Variants in OTUD7B observed in about 807,000 individuals in gnomAD.
OTUD7B encodes the protein OTU deubiquitinase 7B.
A neutral mutation model predicts 82.2 loss-of-function variants in OTUD7B; 34 were observed. The observed-to-expected ratio is 0.41, with a 90% confidence interval of 0.31 to 0.55. The LOEUF is 0.55. Ranked by LOEUF, OTUD7B falls within the 20% of genes least tolerant of loss-of-function variation. The pLI, the probability that OTUD7B is intolerant of heterozygous loss-of-function variation, is 0.20. For synonymous variants in OTUD7B, 398 were observed against 402.7 expected (o/e 0.99, Z 0.14); for missense variants, 944 against 1,062.1 (o/e 0.89, Z 1.55).
At chr1:150,053,925 C>T in the OTUD7B span, 15 of 453,886 alleles carry the variant, frequency 3.3e-5, no homozygotes, top group African/African-American at 2.4e-4. Context: ...GTCAAGAAGG[C>T]TGATGCTGGT....
In OTUD7B at chr1:149,960,389, C is replaced by CTTTTTTTTT. The variant is rs1559837185; in HGVS notation, c.733-594_733-593insAAAAAAAAA. On this transcript the variant is annotated intron_variant, in intron 6 of 11. Coordinates refer to ENST00000581312, the MANE Select transcript of OTUD7B (RefSeq NM_020205.4). Reference sequence around the variant, plus strand: ...ATTTCTTTTCTTTTTCTTTTCTTTCCTTTTTTTCTTTTTTTTTTTTTTGTA... The same window carrying CTTTTTTTTT: ...ATTTCTTTTCTTTTTCTTTTCTTTCCTTTTTTTTTTTTTTTTCTTTTTTTTTTTTTTGTA... 4.9e-4 allele frequency among the ~76,000 whole-genome samples: 2 copies of CTTTTTTTTT among 4,122 alleles called. 1 individual carries two copies. The allele number at this position is 4,122 out of a possible 152,430, so 2.7% of individuals were successfully genotyped here.
chr1:149,974,134 G>T (rs1209478444), intron 2 of OTUD7B, among the ~76,000 whole-genome samples: 2 of 151,830 alleles, frequency 1.3e-5, no homozygotes, highest in Non-Finnish European at 2.9e-5. Context: ...GTGCAATCTC[G>T]GCTCACTGCA....
chr1:149,949,848 C>T (rs1648051922), intron 8 of OTUD7B, 70 bp from the exon 9 acceptor site: 2 of 1,505,112 alleles, frequency 1.3e-6, no homozygotes, highest in African/African-American at 1.4e-5. Context: ...ACATCCCACT[C>T]TGCCAACTGA....
intron 2 of OTUD7B, among the ~76,000 whole-genome samples, chr1:149,971,770 T>A (rs1284216689): frequency 1.3e-5 from 2 of 152,198 alleles, no homozygotes; most frequent in African/African-American, 4.8e-5. Flanking sequence ...AAGGAAACAG[T>A]GTTTCCCCCA....
chr1:149,984,596 G>C (rs1651008258), intron 1 of OTUD7B, among the ~76,000 whole-genome samples: 2 of 152,094 alleles, frequency 1.3e-5, no homozygotes, highest in South Asian at 4.2e-4. Flanking sequence ...ACAGCCCTAA[G>C]CACCCAAATG....
chr1:149,945,261 A>G (rs1647633073), intron 11 of OTUD7B, among the ~76,000 whole-genome samples, 196 bp from the exon 12 acceptor site: 1 of 152,086 alleles, frequency 6.6e-6, no homozygotes, highest in Non-Finnish European at 1.5e-5. Context: ...CTTGCTCCAG[A>G]GAAGGGCTTC....
chr1:149,964,112 G>A, intron 6 of OTUD7B, 110 bp downstream of exon 6: 1 of 1,209,020 alleles, frequency 8.3e-7, no homozygotes, highest in Non-Finnish European at 1.2e-6. Context: ...ATCATAAGGG[G>A]AGTCACACTG....
chr1:149,966,963 A>T (rs1314623430), intron 4 of OTUD7B, among the ~76,000 whole-genome samples: 1 of 152,222 alleles, frequency 6.6e-6, no homozygotes, highest in Non-Finnish European at 1.5e-5. Context: ...ACTGTGCATC[A>T]TCTACAGCAT....
At chr1:150,054,246 G>T in the OTUD7B span, 1 of 451,824 alleles carries the variant, frequency 2.2e-6, no homozygotes. Flanking sequence ...TTGAGCCAAG[G>T]AAAAAAACCC....
At chr1:150,035,612 T>C in the OTUD7B span, among the ~76,000 whole-genome samples, 2 of 152,236 alleles carry the variant, frequency 1.3e-5, no homozygotes, top group Non-Finnish European at 2.9e-5. Context: ...GCTTACGTCA[T>C]TTTTACAGTT....
intron 7 of OTUD7B, among the ~76,000 whole-genome samples, chr1:149,953,899 G>T (rs1241585345): frequency 6.6e-6 from 1 of 152,168 alleles, no homozygotes; most frequent in African/African-American, 2.4e-5. Flanking sequence ...CATTGATTTT[G>T]TATCCTGAGA....
At chr1:149,946,741 G>GAAAAAAA (rs1553772237) in intron 11 of OTUD7B, among the ~76,000 whole-genome samples, 1 of 79,540 alleles carries the variant, frequency 1.3e-5, no homozygotes, top group Non-Finnish European at 2.2e-5. Flanking sequence ...GACTTCCTCT[G>GAAAAAAA]AAAAAAAAAA....
the OTUD7B span, among the ~76,000 whole-genome samples, chr1:150,061,995 C>T: frequency 6.6e-6 from 1 of 152,136 alleles, no homozygotes; most frequent in Non-Finnish European, 1.5e-5. Context: ...ATGCAGCTGC[C>T]CAGAACCATA....
the OTUD7B span, among the ~76,000 whole-genome samples, chr1:150,026,003 G>A: frequency 6.6e-6 from 1 of 152,322 alleles, no homozygotes; most frequent in African/African-American, 2.4e-5. Context: ...GGCACTTGGC[G>A]AACAGGACAA....
At chr1:150,004,503 T>C (rs1218863465) in intron 1 of OTUD7B, among the ~76,000 whole-genome samples, 1 of 151,802 alleles carries the variant, frequency 6.6e-6, no homozygotes, top group Admixed American at 6.6e-5. Flanking sequence ...GAGGTTGCAG[T>C]CAGCCAAGAT....
At chr1:150,019,093 G>A in the OTUD7B span, among the ~76,000 whole-genome samples, 52 of 152,282 alleles carry the variant, frequency 3.4e-4, 1 homozygote, top group African/African-American at 1.2e-3. Context: ...TAGTGTCCCT[G>A]CTCAGAATCT....
chr1:150,051,088 G>T, the OTUD7B span, among the ~76,000 whole-genome samples: 1 of 151,690 alleles, frequency 6.6e-6, no homozygotes, highest in Non-Finnish European at 1.5e-5. Context: ...AATTAGCCAG[G>T]CGTGGTGGCA....
At chr1:149,946,978 A>T (rs2101729172) in intron 11 of OTUD7B, among the ~76,000 whole-genome samples, 2 of 151,770 alleles carry the variant, frequency 1.3e-5, no homozygotes, top group African/African-American at 4.8e-5. Flanking sequence ...GCTTGAACCC[A>T]GGAGGCGGAG....
At chr1:149,960,436 G>A (rs181340979) in intron 6 of OTUD7B, among the ~76,000 whole-genome samples, 7 of 124,156 alleles carry the variant, frequency 5.6e-5, no homozygotes, top group Non-Finnish European at 1.1e-4. Context: ...CCAGGCTGGA[G>A]TGCAATGGCA....
Sources: gnomAD v4.1 joint callset for allele counts (sites outside exome capture counted in the v4.1 genomes callset) on GRCh38, gnomAD v4.1.1 for gene constraint, MANE v1.5 for transcripts, NCBI Gene and HGNC (gene_info 2026-07-23, HGNC 2026-07-21) for gene names.